The following PHF21A variants were observed in gnomAD, a reference collection of about 807,000 sequenced individuals.
The protein encoded by PHF21A is PHD finger protein 21A, also known as BHC80a.
PHF21A carries 11 observed loss-of-function variants against 82.5 expected under a neutral mutation model. The observed-to-expected ratio is 0.13, with a 90% CI of 0.08 to 0.22. The LOEUF (loss-of-function observed/expected upper bound fraction) is 0.22, where lower values mean the gene tolerates loss of function less well. Ranked by LOEUF, PHF21A falls within the 10% of genes least tolerant of loss-of-function variation. The pLI is 1.00. For synonymous variants in PHF21A, 297 were observed against 302.8 expected, an observed-to-expected ratio of 0.98 and a Z score of 0.20; for missense variants, 579 against 837.8, an observed-to-expected ratio of 0.69 and a Z score of 3.81.
rs564711353 is a variant in PHF21A at position 46,021,645 on chromosome 11, G to A, written c.154-41679C>T. 5.3e-5 allele frequency among the ~76,000 whole-genome samples: 8 copies of A among 152,210 alleles called. No individual in the cohort carries two copies. In the South Asian group the frequency reaches 8.3e-4, roughly 16 times the overall value. The stretch of plus-strand genomic sequence containing the variant: ...CTGCCTTGAACTCTTGGGCTCAAGC[G>A]ATCCTCCTGCCTCAGCCTCTCAAGT... On this transcript the variant is annotated intron_variant, in intron 6 of 18. Coordinates refer to ENST00000676320, the MANE Select transcript of PHF21A (RefSeq NM_001352027.3).
intron 10 of PHF21A, among the ~76,000 whole-genome samples, chr11:45,958,752 C>T (rs1179861093): frequency 2.0e-5 from 3 of 151,860 alleles, no homozygotes; most frequent in Non-Finnish European, 2.9e-5. Flanking sequence ...CCCATCTCTA[C>T]ATAAAATTTA....
chr11:46,002,176 C>T (rs1310662816), intron 6 of PHF21A, among the ~76,000 whole-genome samples: 4 of 152,154 alleles, frequency 2.6e-5, no homozygotes, highest in African/African-American at 9.7e-5. Context: ...TTTTTAAACA[C>T]TCCCTTACAA....
chr11:46,080,918 C>T (rs2096783665), intron 4 of PHF21A, among the ~76,000 whole-genome samples: 1 of 152,136 alleles, frequency 6.6e-6, no homozygotes, highest in Admixed American at 6.5e-5. Flanking sequence ...CCCACCTCAG[C>T]CTCCAGAGTA....
At chr11:45,989,024 T>C (rs921115861) in intron 6 of PHF21A, among the ~76,000 whole-genome samples, 1 of 152,344 alleles carries the variant, frequency 6.6e-6, no homozygotes, top group Non-Finnish European at 1.5e-5. Flanking sequence ...AACAATGTTA[T>C]AAATTTACTT....
At chr11:46,038,375 G>A (rs1343738764) in intron 6 of PHF21A, among the ~76,000 whole-genome samples, 5 of 152,048 alleles carry the variant, frequency 3.3e-5, no homozygotes, top group African/African-American at 9.7e-5. Flanking sequence ...TGATCCACCC[G>A]CCTCAGCCTC....
chr11:46,020,967 C>T (rs1332379861), intron 6 of PHF21A, among the ~76,000 whole-genome samples: 1 of 151,312 alleles, frequency 6.6e-6, no homozygotes, highest in African/African-American at 2.4e-5. Context: ...TTTCCACTTA[C>T]GATAGTTTCA....
intron 6 of PHF21A, among the ~76,000 whole-genome samples, chr11:46,005,570 T>C (rs1232084154): frequency 1.3e-5 from 2 of 152,182 alleles, no homozygotes; most frequent in African/African-American, 4.8e-5. Flanking sequence ...CATTAGCAAA[T>C]GCCCCTGATT....
At chr11:45,974,422 A>ATTATTATTG (rs2093925644) in intron 7 of PHF21A, among the ~76,000 whole-genome samples, 1 of 3,498 alleles carries the variant, frequency 2.9e-4, no homozygotes, top group African/African-American at 4.1e-4. Flanking sequence ...ACGACAAATT[A>ATTATTATTG]TTATTATTAT....
At chr11:45,964,577 T>C (rs970397722) in intron 10 of PHF21A, among the ~76,000 whole-genome samples, 15 of 152,212 alleles carry the variant, frequency 9.9e-5, no homozygotes, top group Non-Finnish European at 1.5e-5. Flanking sequence ...AGCAACTTTC[T>C]TGAGAGAGAA....
intron 1 of PHF21A, among the ~76,000 whole-genome samples, chr11:46,120,717 C>T (rs1853028436): frequency 6.6e-6 from 1 of 151,856 alleles, no homozygotes; most frequent in Admixed American, 6.6e-5. Context: ...TTCCCTCCTC[C>T]CTCCCACACA....
intron 17 of PHF21A, among the ~76,000 whole-genome samples, chr11:45,936,285 T>G (rs533135133): frequency 6.6e-6 from 1 of 152,120 alleles, no homozygotes; most frequent in Non-Finnish European, 1.5e-5. Context: ...TCTCAAAAAA[T>G]AAATGAATAA....
chr11:45,938,124 C>T (rs778514162), intron 16 of PHF21A, 33 bp downstream of exon 16: 15 of 1,519,958 alleles, frequency 9.9e-6, no homozygotes, highest in South Asian at 6.5e-5. Flanking sequence ...TTGTCCTCCT[C>T]GGCCCCTCCC....
rs1590322462 is a variant in PHF21A at position 46,121,435 on chromosome 11, A to G, written c.-737T>C. On this transcript the variant is annotated 5_prime_UTR_variant, in exon 1 of 19. Transcript: ENST00000676320. ...AGCGAGCACCACCAGCCCATTCACC[A>G]CCCGGCCCCGGGCCGCAGCACCTCC... Among the ~76,000 whole-genome samples the G allele has an allele frequency of 6.8e-6, 1 of 147,300 alleles. No individual in the cohort carries two copies.
chr11:45,985,708 C>T (rs184174793), intron 6 of PHF21A, among the ~76,000 whole-genome samples: 2 of 152,282 alleles, frequency 1.3e-5, no homozygotes, highest in Non-Finnish European at 2.9e-5. Context: ...CAAATAGTTT[C>T]TTTCCCTTTT....
At chr11:45,998,194 C>T (rs2094976189) in intron 6 of PHF21A, among the ~76,000 whole-genome samples, 1 of 152,202 alleles carries the variant, frequency 6.6e-6, no homozygotes, top group Non-Finnish European at 1.5e-5. Context: ...AGGTTTCCAT[C>T]TGTGTTATTA....
Position 45,944,348 on chromosome 11 carries a change from A to C in PHF21A, c.1452+1492T>G, listed in dbSNP as rs141626720. Among the ~76,000 whole-genome samples, 1,006 of 152,296 alleles carry C rather than the reference A, an allele frequency of 6.6e-3. 5 individuals carry two copies. Among genetic ancestry groups the C allele is most frequent in the Non-Finnish European group, 0.011 (730 of 68,026 alleles). On this transcript the variant is annotated intron_variant, in intron 15 of 18. Coordinates refer to ENST00000676320, the MANE Select transcript of PHF21A (RefSeq NM_001352027.3). The stretch of plus-strand genomic sequence containing the variant: ...TATGGTAGGTGAGAAGCATAGGCAA[A>C]ATGTTAACAACTGATGAATCAATGT...
At chr11:45,968,268 A>C (rs2093566413) in intron 9 of PHF21A, among the ~76,000 whole-genome samples, 1 of 152,208 alleles carries the variant, frequency 6.6e-6, no homozygotes, top group Non-Finnish European at 1.5e-5. Flanking sequence ...ATCTGACCAC[A>C]TCAAGTGCTT....
At chr11:46,083,714 A>C (rs2096822336) in intron 4 of PHF21A, 1 of 152,388 alleles carries the variant, frequency 6.6e-6, no homozygotes, top group Admixed American at 6.5e-5. Flanking sequence ...GTGAAATCTG[A>C]AATTTAAACA....
At position 45,948,157 on chromosome 11, in the gene PHF21A, A is replaced by C. The variant is rs979312079; in HGVS notation, c.1288+729T>G. On this transcript the variant is annotated intron_variant, in intron 14 of 18. Transcript: ENST00000676320. ...GATCTTGGGATGTATTACTGACATC[A>C]AAGAAAAATTTCAGTACCTTGTTTA... 6.6e-5 allele frequency among the ~76,000 whole-genome samples: 10 copies of C among 152,264 alleles called. 1 individual carries two copies. The highest frequency in any genetic ancestry group is 6.5e-4 in the Admixed American group (10 of 15,290).
Sources: allele counts gnomAD v4.1 joint callset (sites outside exome capture counted in the v4.1 genomes callset), GRCh38; gene constraint gnomAD v4.1.1; transcripts MANE v1.5; gene names NCBI Gene and HGNC (gene_info 2026-07-23, HGNC 2026-07-21).